ZNF670: variants seen among roughly 807,000 people sequenced by gnomAD.
ZNF670 encodes zinc finger protein 670.
ZNF670 carries 7 observed loss-of-function variants against 10.9 expected under a neutral mutation model. The observed-to-expected ratio is 0.64, with a 90% CI of 0.36 to 1.20. The LOEUF (loss-of-function observed/expected upper bound fraction) is 1.20. Among genes scored for constraint, ZNF670 ranks in the 50% most tolerant of loss-of-function variants. The pLI, the probability that ZNF670 is intolerant of heterozygous loss-of-function variation, is 0.02. For synonymous variants in ZNF670, 136 were observed against 152.7 expected, an observed-to-expected ratio of 0.89 and a Z score of 0.81; for missense variants, 446 against 458.6, an observed-to-expected ratio of 0.97 and a Z score of 0.25.
intron 1 of ZNF670, among the ~76,000 whole-genome samples, chr1:247,067,164 G>A (rs925482308): frequency 2.6e-5 from 4 of 152,160 alleles, no homozygotes; most frequent in African/African-American, 7.2e-5. Flanking sequence ...GGCCAGGCGC[G>A]GTGGCTCATG....
intron 1 of ZNF670, among the ~76,000 whole-genome samples, chr1:247,059,165 G>C (rs1031368830): frequency 6.6e-6 from 1 of 152,170 alleles, no homozygotes; most frequent in Non-Finnish European, 1.5e-5. Flanking sequence ...CCCCAGGCTG[G>C]GCGCAGTGGC....
chr1:247,044,915 C>T (rs1454665251), intron 1 of ZNF670, among the ~76,000 whole-genome samples: 3 of 151,728 alleles, frequency 2.0e-5, no homozygotes, highest in African/African-American at 7.3e-5. Flanking sequence ...ATGAAATTTA[C>T]TCATGTAACA....
intron 1 of ZNF670, among the ~76,000 whole-genome samples, chr1:247,050,478 TTC>T (rs1383283304): frequency 1.2e-3 from 121 of 99,010 alleles, no homozygotes; most frequent in African/African-American, 7.5e-3. Context: ...AATTCTTTTC[TTC>T]TTTTTTTTTT....
intron 1 of ZNF670, among the ~76,000 whole-genome samples, chr1:247,065,087 C>T (rs1670951481): frequency 6.6e-6 from 1 of 152,176 alleles, no homozygotes; most frequent in South Asian, 2.1e-4. Context: ...AGATTACGGG[C>T]ATGAGCCACC....
intron 1 of ZNF670, among the ~76,000 whole-genome samples, chr1:247,050,478 T>C (rs1409406145): frequency 1.0e-5 from 1 of 98,950 alleles, no homozygotes; most frequent in East Asian, 2.0e-4. Context: ...AATTCTTTTC[T>C]TCTTTTTTTT....
At chr1:247,043,914 G>T (rs988985170) in intron 1 of ZNF670, 17 of 299,922 alleles carry the variant, frequency 5.7e-5, no homozygotes, top group African/African-American at 3.8e-4. Context: ...TAGAACCAGA[G>T]ATATAAGACC....
intron 1 of ZNF670, among the ~76,000 whole-genome samples, chr1:247,063,317 T>C (rs1670902740): frequency 6.6e-6 from 1 of 152,112 alleles, no homozygotes; most frequent in Non-Finnish European, 1.5e-5. Context: ...CTCACGCCTG[T>C]AATCCCAGCA....
At chr1:247,048,683 T>C (rs1170507299) in intron 1 of ZNF670, among the ~76,000 whole-genome samples, 3 of 151,962 alleles carry the variant, frequency 2.0e-5, no homozygotes, top group Non-Finnish European at 2.9e-5. Flanking sequence ...TGACTGACAG[T>C]TCCACATGGC....
chr1:247,041,310 G>A (rs1376119060), intron 1 of ZNF670, among the ~76,000 whole-genome samples: 5 of 151,902 alleles, frequency 3.3e-5, no homozygotes, highest in Non-Finnish European at 5.9e-5. Context: ...AAAAAGCAGT[G>A]GGAAAAAACT....
At chr1:247,068,997 A>G (rs557964216) in intron 1 of ZNF670, among the ~76,000 whole-genome samples, 1 of 150,884 alleles carries the variant, frequency 6.6e-6, no homozygotes, top group Admixed American at 6.6e-5. Context: ...ACTCATGGGC[A>G]TAGAGAGTCG....
At chr1:247,073,662 C>G (rs1159151451) in intron 1 of ZNF670, among the ~76,000 whole-genome samples, 1 of 152,168 alleles carries the variant, frequency 6.6e-6, no homozygotes. Flanking sequence ...TTGCTGAACA[C>G]CAACCAATTC....
chr1:247,057,396 A>T (rs1477179601), intron 1 of ZNF670, among the ~76,000 whole-genome samples: 1 of 152,206 alleles, frequency 6.6e-6, no homozygotes, highest in African/African-American at 2.4e-5. Context: ...GTGGAAATGT[A>T]AATTAGTACA....
Position 247,036,165 on chromosome 1 carries a change from C to T in ZNF670, c.*1284G>A, listed in dbSNP as rs1266817517. 6.6e-6 allele frequency among the ~76,000 whole-genome samples: 1 copy of T among 151,952 alleles called. No individual in the cohort carries two copies. Among genetic ancestry groups the T allele is most frequent in the Non-Finnish European group, 1.5e-5 (1 of 67,994 alleles). On this transcript the variant is annotated 3_prime_UTR_variant, in exon 4 of 4. Coordinates refer to ENST00000366503, the MANE Select transcript of ZNF670 (RefSeq NM_033213.5). ...AAACCACAAATCATCTCAATAGATG[C>T]AGAAAAAAACATGTCATAAGAGTTC...
At chr1:247,076,658 C>CTCT (rs1553324101) in intron 1 of ZNF670, among the ~76,000 whole-genome samples, 6 of 139,898 alleles carry the variant, frequency 4.3e-5, no homozygotes, top group Non-Finnish European at 6.1e-5. Flanking sequence ...AATAAACTCT[C>CTCT]TTTTTTTTTT....
At chr1:247,064,844 A>C (rs1670945881) in intron 1 of ZNF670, among the ~76,000 whole-genome samples, 1 of 151,814 alleles carries the variant, frequency 6.6e-6, no homozygotes, top group South Asian at 2.1e-4. Context: ...TCACTCTGTC[A>C]CCCATGCTGG....
chr1:247,049,903 T>A (rs191008995), intron 1 of ZNF670, among the ~76,000 whole-genome samples: 3 of 152,374 alleles, frequency 2.0e-5, no homozygotes, highest in East Asian at 1.9e-4. Flanking sequence ...GATATGATTT[T>A]GATTTTCTTA....
intron 1 of ZNF670, among the ~76,000 whole-genome samples, chr1:247,077,080 C>T (rs1278410259): frequency 1.3e-5 from 2 of 152,218 alleles, no homozygotes; most frequent in African/African-American, 4.8e-5. Context: ...CGAGAAAATC[C>T]AGAGCGCAGG....
At chr1:247,044,683 A>G (rs1172226170) in intron 1 of ZNF670, among the ~76,000 whole-genome samples, 2 of 152,212 alleles carry the variant, frequency 1.3e-5, no homozygotes, top group Non-Finnish European at 2.9e-5. Context: ...GGCCATTATC[A>G]TAAGCAAATT....
intron 1 of ZNF670, among the ~76,000 whole-genome samples, chr1:247,062,113 A>G (rs1670872798): frequency 6.6e-6 from 1 of 152,252 alleles, no homozygotes; most frequent in African/African-American, 2.4e-5. Context: ...AGGCTTATAC[A>G]CTGTCACAAA....
Sources: gnomAD v4.1 joint callset for allele counts (sites outside exome capture counted in the v4.1 genomes callset) on GRCh38, gnomAD v4.1.1 for gene constraint, MANE v1.5 for transcripts, NCBI Gene and HGNC (gene_info 2026-07-23, HGNC 2026-07-21) for gene names.